The following SLC8A1 variants were observed in gnomAD, a reference collection of about 807,000 sequenced individuals.
SLC8A1 encodes the protein solute carrier family 8 member A1.
A neutral mutation model predicts 68.3 loss-of-function variants in SLC8A1; 18 were observed. That is an observed-to-expected ratio of 0.26 (90% CI 0.18 to 0.39). The LOEUF is 0.39. Ranked by LOEUF, SLC8A1 falls within the 10% of genes least tolerant of loss-of-function variation. The pLI, the probability that SLC8A1 is intolerant of heterozygous loss-of-function variation, is 1.00. For synonymous variants in SLC8A1, 475 were observed against 415.5 expected (o/e 1.14, Z -1.74); for missense variants, 985 against 1,156.7 (o/e 0.85, Z 2.15).
upstream of SLC8A1, among the ~76,000 whole-genome samples, chr2:40,452,257 G>T (rs188794998): frequency 0.013 from 1,991 of 151,026 alleles, 41 homozygotes; most frequent in African/African-American, 0.046. Context: ...GCGGCTGCCG[G>T]GCGCCCCGGG....
chr2:40,308,531 G>A (rs2073090541), intron 2 of SLC8A1, among the ~76,000 whole-genome samples: 1 of 152,114 alleles, frequency 6.6e-6, no homozygotes, highest in Non-Finnish European at 1.5e-5. Flanking sequence ...AAGAAGCTTG[G>A]AAGGTTTTCT....
intron 2 of SLC8A1, among the ~76,000 whole-genome samples, chr2:40,215,750 T>A (rs950397771): frequency 6.6e-6 from 1 of 151,840 alleles, no homozygotes; most frequent in Non-Finnish European, 1.5e-5. Context: ...CCTGTATCAA[T>A]GTAGTGTTGG....
chr2:40,115,174 T>C, exon 8 of SLC8A1: 4 of 1,041,706 alleles, frequency 3.8e-6, no homozygotes, highest in Non-Finnish European at 5.1e-6. Flanking sequence ...ATGACAAATG[T>C]CAGTTTCCTC....
chr2:40,136,894 G>A (rs2040597957), intron 7 of SLC8A1, among the ~76,000 whole-genome samples: 1 of 152,184 alleles, frequency 6.6e-6, no homozygotes, highest in African/African-American at 2.4e-5. Context: ...TGGGGAGCTT[G>A]CTGCACAGTT....
At chr2:40,133,651 C>T (rs1464352127) in intron 7 of SLC8A1, among the ~76,000 whole-genome samples, 2 of 151,862 alleles carry the variant, frequency 1.3e-5, no homozygotes, top group Non-Finnish European at 2.9e-5. Flanking sequence ...GGCACAACCC[C>T]CACCAAGACG....
At chr2:40,257,565 G>A (rs969424494) in intron 2 of SLC8A1, among the ~76,000 whole-genome samples, 8 of 152,022 alleles carry the variant, frequency 5.3e-5, no homozygotes, top group Non-Finnish European at 1.0e-4. Flanking sequence ...ATCCAAGAGC[G>A]TATCAGATCA....
At chr2:40,316,132 G>A (rs956902762) in intron 2 of SLC8A1, among the ~76,000 whole-genome samples, 2 of 152,030 alleles carry the variant, frequency 1.3e-5, no homozygotes, top group African/African-American at 2.4e-5. Context: ...TAGTATACAT[G>A]GTGAAAAAGA....
At chr2:40,107,849 A>G (rs1446220335) in exon 8 of SLC8A1, 1 of 152,240 alleles carries the variant, frequency 6.6e-6, no homozygotes, top group Non-Finnish European at 1.5e-5. Flanking sequence ...TGATCCTCAT[A>G]TAAACAGTTC....
intron 2 of SLC8A1, among the ~76,000 whole-genome samples, chr2:40,201,336 TTTGGCTCTAAAACC>T (rs2054324205): frequency 6.6e-6 from 1 of 151,972 alleles, no homozygotes; most frequent in Non-Finnish European, 1.5e-5. Context: ...TTCAACACTA[TTTGGCTCTAAAACC>T]AAAACAAAAT....
At chr2:40,141,784 A>G (rs2041613646) in intron 6 of SLC8A1, among the ~76,000 whole-genome samples, 1 of 152,154 alleles carries the variant, frequency 6.6e-6, no homozygotes, top group Admixed American at 6.5e-5. Context: ...TTAAGTGAAA[A>G]CAGAGCCATT....
chr2:40,111,416 A>G (rs2034545239), exon 8 of SLC8A1: 1 of 152,186 alleles, frequency 6.6e-6, no homozygotes, highest in African/African-American at 2.4e-5. Context: ...ATATTTAAAT[A>G]ATTCCTTCAT....
At chr2:40,217,359 G>A (rs1028302101) in intron 2 of SLC8A1, among the ~76,000 whole-genome samples, 1 of 152,058 alleles carries the variant, frequency 6.6e-6, no homozygotes, top group Non-Finnish European at 1.5e-5. Context: ...TATCTGTTTT[G>A]GTACCAGTAC....
chr2:40,458,409 G>A (rs74837199), intron 1 of SLC8A1, among the ~76,000 whole-genome samples: 3,580 of 152,098 alleles, frequency 0.024, 148 homozygotes, highest in African/African-American at 0.08. Flanking sequence ...GCAGTTTTTG[G>A]TGCATGGGAC....
chr2:40,190,518 T>C (rs2051587158), intron 2 of SLC8A1: 3 of 152,228 alleles, frequency 2.0e-5, no homozygotes, highest in Admixed American at 2.0e-4. Context: ...CTTTTCTTTT[T>C]CTCCTCTCTT....
intron 4 of SLC8A1, among the ~76,000 whole-genome samples, chr2:40,172,899 G>A (rs935613817): frequency 3.9e-5 from 6 of 152,056 alleles, no homozygotes; most frequent in African/African-American, 1.4e-4. Flanking sequence ...CCGAGATCGC[G>A]CCACTGTACT....
intron 1 of SLC8A1, among the ~76,000 whole-genome samples, chr2:40,488,746 ATTAT>A (rs1338754688): frequency 2.0e-5 from 3 of 152,074 alleles, no homozygotes; most frequent in African/African-American, 7.2e-5. Context: ...CCGTGTTAAT[ATTAT>A]ATGCAATTTG....
chr2:40,403,352 T>C (rs191999771), intron 2 of SLC8A1, among the ~76,000 whole-genome samples: 20 of 152,362 alleles, frequency 1.3e-4, no homozygotes, highest in Non-Finnish European at 2.1e-4. Context: ...AGGTTATCAA[T>C]GTAAACAATC....
Position 40,346,151 on chromosome 2 carries a change from C to G in SLC8A1, c.1808+82322G>C, listed in dbSNP as rs1386080829. ...GCTCAGAACCAGAAAGAGTTTAAGA[C>G]TTTGAATGGATTCATTTCTTAGAAA... On this transcript the variant is annotated intron_variant, in intron 2 of 7. Transcript: ENST00000406785. 2.0e-5 allele frequency among the ~76,000 whole-genome samples: 3 copies of G among 148,474 alleles called. No homozygotes were observed. The East Asian group carries it at 6.2e-4, about 31-fold the overall frequency.
At chr2:40,361,724 A>G (rs759511713) in intron 2 of SLC8A1, among the ~76,000 whole-genome samples, 1 of 151,944 alleles carries the variant, frequency 6.6e-6, no homozygotes, top group Admixed American at 6.6e-5. Flanking sequence ...CAAATGCCCT[A>G]TATGGTAAGT....
Sources: gnomAD v4.1 joint callset for allele counts (sites outside exome capture counted in the v4.1 genomes callset) on GRCh38, gnomAD v4.1.1 for gene constraint, MANE v1.5 for transcripts, NCBI Gene and HGNC (gene_info 2026-07-23, HGNC 2026-07-21) for gene names.